The following VWC2L variants were observed in gnomAD, a reference collection of about 807,000 sequenced individuals.
VWC2L encodes von Willebrand factor C domain-containing protein 2-like.
VWC2L carries 10 observed loss-of-function variants against 21.6 expected under a neutral mutation model. That is an observed-to-expected ratio of 0.46 (90% CI 0.29 to 0.78). The LOEUF is 0.78. VWC2L is among the 30% of genes least tolerant of loss of function. The pLI, the probability that VWC2L is intolerant of heterozygous loss-of-function variation, is 0.10. For missense variants in VWC2L, 209 were observed against 277.1 expected, an observed-to-expected ratio of 0.75 and a Z score of 1.74; for synonymous variants, 96 against 94.3, an observed-to-expected ratio of 1.02 and a Z score of -0.10.
rs1167648857 is a variant in VWC2L, at chr2:214,476,251, T to C, written c.520+39493T>C. 2.0e-5 allele frequency among the ~76,000 whole-genome samples: 3 copies of C among 152,202 alleles called. No homozygotes were observed. The East Asian group carries it at 5.8e-4, about 29-fold the overall frequency. On this transcript the variant is annotated intron_variant, in intron 3 of 3. Transcript: ENST00000312504. Reference sequence around the variant, plus strand: ...GGAGCACAAGAAGCACATATTGCATTATTGAAATCAATATTTCAATGATAT... The same window carrying C: ...GGAGCACAAGAAGCACATATTGCATCATTGAAATCAATATTTCAATGATAT...
intron 3 of VWC2L, among the ~76,000 whole-genome samples, chr2:214,508,247 T>A (rs548654785): frequency 6.6e-6 from 1 of 152,332 alleles, no homozygotes; most frequent in East Asian, 1.9e-4. Flanking sequence ...GTGATGGGAT[T>A]ACAGGCGTGC....
intron 3 of VWC2L, among the ~76,000 whole-genome samples, chr2:214,558,178 T>A (rs1376519160): frequency 6.6e-6 from 1 of 152,184 alleles, no homozygotes; most frequent in Non-Finnish European, 1.5e-5. Context: ...TGTATTGCTA[T>A]TTTTTTCCTT....
At chr2:214,517,311 G>A (rs1689159105) in intron 3 of VWC2L, among the ~76,000 whole-genome samples, 1 of 152,212 alleles carries the variant, frequency 6.6e-6, no homozygotes. Flanking sequence ...GCTATGTAGT[G>A]TTATGACAGG....
At chr2:214,519,070 T>C (rs1451509516) in intron 3 of VWC2L, among the ~76,000 whole-genome samples, 1 of 152,224 alleles carries the variant, frequency 6.6e-6, no homozygotes, top group Non-Finnish European at 1.5e-5. Flanking sequence ...ATACAAACTT[T>C]CGTTCTTTTG....
chr2:214,530,296 A>G (rs1486946746), intron 3 of VWC2L, among the ~76,000 whole-genome samples: 1 of 152,144 alleles, frequency 6.6e-6, no homozygotes, highest in Non-Finnish European at 1.5e-5. Flanking sequence ...GACAACCAGC[A>G]ATTACTCAGT....
intron 3 of VWC2L, among the ~76,000 whole-genome samples, chr2:214,522,374 CAAAAAA>C (rs5838440): frequency 1.9e-5 from 2 of 102,948 alleles, no homozygotes; most frequent in South Asian, 3.2e-4. Flanking sequence ...GACCCCGTCT[CAAAAAA>C]AAAAAAAAAA....
intron 2 of VWC2L, among the ~76,000 whole-genome samples, chr2:214,422,181 C>A (rs939566789): frequency 6.6e-6 from 1 of 152,076 alleles, no homozygotes; most frequent in Admixed American, 6.5e-5. Context: ...AGCCACCGCG[C>A]CCGGCCTATT....
At chr2:214,469,190 A>G (rs973014631) in intron 3 of VWC2L, among the ~76,000 whole-genome samples, 9 of 152,236 alleles carry the variant, frequency 5.9e-5, no homozygotes, top group African/African-American at 2.2e-4. Context: ...TATTGTGCCA[A>G]TAACACTATC....
At chr2:214,478,982 C>A (rs975606620) in intron 3 of VWC2L, among the ~76,000 whole-genome samples, 2 of 152,186 alleles carry the variant, frequency 1.3e-5, no homozygotes, top group Admixed American at 1.3e-4. Flanking sequence ...TACTGCCACA[C>A]ATTCCTCTCC....
At chr2:214,548,194 T>C (rs1365341356) in intron 3 of VWC2L, among the ~76,000 whole-genome samples, 3 of 152,218 alleles carry the variant, frequency 2.0e-5, no homozygotes, top group African/African-American at 7.2e-5. Context: ...CAATTGCTAG[T>C]GTACTACTTG....
intron 3 of VWC2L, among the ~76,000 whole-genome samples, chr2:214,485,198 T>C (rs568768468): frequency 1.3e-5 from 2 of 152,184 alleles, no homozygotes; most frequent in African/African-American, 4.8e-5. Context: ...TGCATGCCTG[T>C]AGTCCCACTA....
chr2:214,412,475 T>C (rs1003610136), intron 1 of VWC2L, among the ~76,000 whole-genome samples: 1 of 152,112 alleles, frequency 6.6e-6, no homozygotes, highest in Non-Finnish European at 1.5e-5. Flanking sequence ...GAGAAAAAAA[T>C]GCTTTGTCAA....
At chr2:214,440,658 G>A (rs559370613) in intron 3 of VWC2L, among the ~76,000 whole-genome samples, 61 of 152,062 alleles carry the variant, frequency 4.0e-4, no homozygotes, top group South Asian at 2.1e-4. Flanking sequence ...AATACCTATC[G>A]TTTATTTTTG....
At chr2:214,557,812 G>A (rs1574635306) in intron 3 of VWC2L, among the ~76,000 whole-genome samples, 1 of 152,140 alleles carries the variant, frequency 6.6e-6, no homozygotes, top group Non-Finnish European at 1.5e-5. Flanking sequence ...CCTTTCTGCT[G>A]TCTCAGGTAC....
At chr2:214,559,312 G>A (rs4673862) in intron 3 of VWC2L, among the ~76,000 whole-genome samples, 104,443 of 151,916 alleles carry the variant, frequency 0.69, 37,609 homozygotes, top group East Asian at 0.83. Flanking sequence ...CAGTTAGAAT[G>A]GCAACCAACT....
At chr2:214,501,857 C>T (rs369517835) in intron 3 of VWC2L, among the ~76,000 whole-genome samples, 5 of 152,014 alleles carry the variant, frequency 3.3e-5, no homozygotes, top group Admixed American at 6.5e-5. Flanking sequence ...GTACAGGCCA[C>T]GAGGAAAGGT....
At position 214,567,761 on chromosome 2, in the gene VWC2L, C is replaced by T. The variant is rs148193194; in HGVS notation, c.521-7911C>T. Among the ~76,000 whole-genome samples, 28 of 152,204 alleles carry T rather than the reference C, an allele frequency of 1.8e-4. No homozygotes were observed. In the East Asian group the frequency reaches 5.0e-3, roughly 27 times the overall value. ...CACAGAAAAAAATGGTGCTGTATCC[C>T]ACCCCACGCACTTATTAACTGTGTG... On this transcript the variant is annotated intron_variant, in intron 3 of 3. Transcript: ENST00000312504.
chr2:214,469,611 G>A (rs548582646), intron 3 of VWC2L, among the ~76,000 whole-genome samples: 1 of 151,866 alleles, frequency 6.6e-6, no homozygotes, highest in African/African-American at 2.4e-5. Context: ...AAAAAATCAT[G>A]GGTACACTAT....
intron 3 of VWC2L, among the ~76,000 whole-genome samples, chr2:214,568,574 C>T (rs933816295): frequency 6.6e-6 from 1 of 152,098 alleles, no homozygotes; most frequent in African/African-American, 2.4e-5. Context: ...TACATGGCAG[C>T]CAGCAAGAGA....
Sources: allele counts gnomAD v4.1 joint callset (sites outside exome capture counted in the v4.1 genomes callset), GRCh38; gene constraint gnomAD v4.1.1; transcripts MANE v1.5; gene names NCBI Gene and HGNC (gene_info 2026-07-23, HGNC 2026-07-21).